The following RAB14 variants were observed in gnomAD, a reference collection of about 807,000 sequenced individuals.
RAB14 encodes RAB14, member RAS oncogene family, also known as ras-related protein Rab-14.
RAB14 carries 3 observed loss-of-function variants against 31.1 expected under a neutral mutation model. The ratio of observed to expected loss-of-function variants is 0.10; its 90% CI spans 0.04 to 0.25. The LOEUF is 0.25. Ranked by LOEUF, RAB14 falls within the 10% of genes least tolerant of loss-of-function variation. RAB14 has a pLI of 1.00. For missense variants in RAB14, 111 were observed against 260.1 expected, an observed-to-expected ratio of 0.43 and a Z score of 3.94; for synonymous variants, 85 against 84.9, an observed-to-expected ratio of 1.00 and a Z score of 0.00.
rs2053613485 is a variant in RAB14 at position 121,178,702 on chromosome 9, T to TA, written c.*2693dup. The TA allele has an allele frequency of 6.6e-6, 1 of 152,126 alleles. No homozygotes were observed. Among genetic ancestry groups the TA allele is most frequent in the African/African-American group, 2.4e-5 (1 of 41,330 alleles). The allele number at this position is 152,126 out of a possible 1,614,324, so 9.4% of individuals were successfully genotyped here. ...TAAACCACCAACCAAAAAAAAATAA[T>TA]AAGTTACTCCATCAAACACGTTATT... On this transcript the variant is annotated 3_prime_UTR_variant, in exon 8 of 8. Coordinates refer to ENST00000373840, the MANE Select transcript of RAB14 (RefSeq NM_016322.4).
At chr9:121,196,481 C>T (rs2053717639) in intron 1 of RAB14, among the ~76,000 whole-genome samples, 1 of 152,148 alleles carries the variant, frequency 6.6e-6, no homozygotes, top group East Asian at 1.9e-4. Flanking sequence ...ATCCTTACTA[C>T]TATCCTATAA....
At position 121,178,222 on chromosome 9, in the gene RAB14, CAATG is replaced by C. The variant is rs1308111774; in HGVS notation, c.*3170_*3173del. ...GGGATCAATGGAGTTACAATAAAGA[CAATG>C]AAAGTGACAATTTATTAATACACAG... On this transcript the variant is annotated 3_prime_UTR_variant, in exon 8 of 8. Coordinates refer to ENST00000373840, the MANE Select transcript of RAB14 (RefSeq NM_016322.4). The C allele has an allele frequency of 7.3e-5, 11 of 151,580 alleles. No homozygotes were observed. The highest frequency in any genetic ancestry group is 4.1e-4 in the South Asian group (2 of 4,824). 9.4% of individuals were successfully genotyped at this position (151,580 alleles called of 1,614,324 possible).
intron 4 of RAB14, among the ~76,000 whole-genome samples, chr9:121,190,294 A>T (rs2132025729): frequency 6.6e-6 from 1 of 152,230 alleles, no homozygotes; most frequent in South Asian, 2.1e-4. Context: ...ATTCAACTGA[A>T]GCTGCTTTTC....
intron 2 of RAB14, among the ~76,000 whole-genome samples, chr9:121,192,827 G>T (rs1369865367): frequency 6.6e-6 from 1 of 152,048 alleles, no homozygotes; most frequent in African/African-American, 2.4e-5. Flanking sequence ...GTTCTAATGT[G>T]AACAATTCAT....
At chr9:121,190,820 GCTTA>G (rs1436463447) in intron 3 of RAB14, 89 bp from the exon 4 acceptor site, 2 of 1,276,292 alleles carry the variant, frequency 1.6e-6, no homozygotes, top group East Asian at 2.4e-5. Flanking sequence ...TAAGCAAATG[GCTTA>G]CTAATACTTA....
Position 121,180,030 on chromosome 9 carries a change from AGT to A in RAB14, c.*1364_*1365del, listed in dbSNP as rs1312605344. The A allele has an allele frequency of 6.5e-6, 1 of 152,686 alleles. No individual in the cohort carries two copies. The highest frequency in any genetic ancestry group is 6.5e-5 in the Admixed American group (1 of 15,284). 9.5% of individuals were successfully genotyped at this position (152,686 alleles called of 1,614,324 possible). On this transcript the variant is annotated 3_prime_UTR_variant, in exon 8 of 8. Transcript: ENST00000373840. ...TTCTCTTGCTATACAGTATTAATTC[AGT>A]GGCCAAACCACCTGGTGCAAAGTAA...
chr9:121,199,388 T>C (rs1454114191), intron 1 of RAB14, among the ~76,000 whole-genome samples: 1 of 152,244 alleles, frequency 6.6e-6, no homozygotes, highest in Non-Finnish European at 1.5e-5. Context: ...ATACTTCTAT[T>C]TGTCAAACTG....
chr9:121,181,284 T>C lies in RAB14; in HGVS notation c.*112A>G. On this transcript the variant is annotated 3_prime_UTR_variant, in exon 8 of 8. Coordinates refer to ENST00000373840, the MANE Select transcript of RAB14 (RefSeq NM_016322.4). ...CTGTTTTTACAACAGAGTTTTTTCT[T>C]TTTTTTTAATTAAACCCAGTAAGAT... 1 of 1,166,400 alleles carries C rather than the reference T, an allele frequency of 8.6e-7. No homozygotes were observed. Among genetic ancestry groups the C allele is most frequent in the Non-Finnish European group, 1.2e-6 (1 of 863,368 alleles). 72.3% of individuals were successfully genotyped at this position (1,166,400 alleles called of 1,614,324 possible).
chr9:121,185,910 T>G (rs950437372), intron 5 of RAB14, among the ~76,000 whole-genome samples: 9 of 152,144 alleles, frequency 5.9e-5, no homozygotes. Flanking sequence ...TTGGGTTTAA[T>G]GCGATAATGG....
At chr9:121,182,999 AC>A in intron 6 of RAB14, 39 bp from the exon 7 acceptor site, 1 of 1,574,362 alleles carries the variant, frequency 6.4e-7, no homozygotes, top group Non-Finnish European at 8.7e-7. Flanking sequence ...GACACTTCAA[AC>A]TAACTCACAA....
chr9:121,182,923 CACTT>C lies in RAB14; in HGVS notation c.470+3_470+6del, dbSNP rs2053641123. On this transcript the variant is annotated splice_donor_5th_base_variant and intron_variant, in intron 7 of 7. Transcript: ENST00000373840. ...AATTGAAATATCTGTATTTTGGTCA[CACTT>C]ACGTTTTTGCACTCGCTTCGAGGAA... 6.2e-7 allele frequency: 1 copy of C among 1,606,558 alleles called. No homozygotes were observed. The highest frequency in any genetic ancestry group is 8.5e-7 in the Non-Finnish European group (1 of 1,174,862).
intron 1 of RAB14, among the ~76,000 whole-genome samples, chr9:121,194,576 T>TA (rs1331592914): frequency 1.3e-5 from 2 of 152,140 alleles, no homozygotes; most frequent in Non-Finnish European, 2.9e-5. Context: ...GCTTTCAGCT[T>TA]AAGACAAAAA....
At chr9:121,197,264 T>C (rs2053723017) in intron 1 of RAB14, among the ~76,000 whole-genome samples, 1 of 152,178 alleles carries the variant, frequency 6.6e-6, no homozygotes, top group Non-Finnish European at 1.5e-5. Context: ...ATTAATATGC[T>C]TAATATTGCT....
intron 1 of RAB14, 98 bp from the exon 2 acceptor site, chr9:121,193,517 A>C (rs777729403): frequency 5.3e-5 from 40 of 750,468 alleles, no homozygotes; most frequent in Non-Finnish European, 8.2e-5. Flanking sequence ...AGGACACTGA[A>C]TACAAACAAA....
At chr9:121,198,502 A>G (rs1003496032) in intron 1 of RAB14, among the ~76,000 whole-genome samples, 1 of 152,220 alleles carries the variant, frequency 6.6e-6, no homozygotes, top group Non-Finnish European at 1.5e-5. Flanking sequence ...ATTTTTACAT[A>G]GCTGATCCAA....
chr9:121,200,376 T>A (rs1357278852), intron 1 of RAB14, among the ~76,000 whole-genome samples: 1 of 152,244 alleles, frequency 6.6e-6, no homozygotes, highest in Admixed American at 6.5e-5. Context: ...AAGAATTTTT[T>A]AAAGGCAGTT....
Position 121,181,327 on chromosome 9 carries a change from G to A in RAB14, c.*69C>T, listed in dbSNP as rs758362544. 7.7e-5 allele frequency: 107 copies of A among 1,382,976 alleles called. No individual in the cohort carries two copies. Among genetic ancestry groups the A allele is most frequent in the Non-Finnish European group, 1.0e-4 (104 of 1,028,960 alleles). The allele number at this position is 1,382,976 out of a possible 1,614,324, so 85.7% of individuals were successfully genotyped here. ...AGTAAGATGTACAGAAGACAATGAG[G>A]CAGTAAAAAGTACTGCTTCCAACAG... is the stretch of plus-strand genomic sequence containing the variant. On this transcript the variant is annotated 3_prime_UTR_variant, in exon 8 of 8. Coordinates refer to ENST00000373840, the MANE Select transcript of RAB14 (RefSeq NM_016322.4).
chr9:121,185,913 G>A (rs750623627), intron 5 of RAB14, among the ~76,000 whole-genome samples: 2 of 152,094 alleles, frequency 1.3e-5, no homozygotes, highest in Admixed American at 6.6e-5. Flanking sequence ...GGTTTAATGC[G>A]ATAATGGAAA....
intron 4 of RAB14, 69 bp downstream of exon 4, chr9:121,190,485 T>C (rs1240094344): frequency 7.2e-7 from 1 of 1,382,448 alleles, no homozygotes; most frequent in Non-Finnish European, 9.7e-7. Flanking sequence ...AAAATGCCTA[T>C]CAATTTTTTT....
Sources: allele counts gnomAD v4.1 joint callset (sites outside exome capture counted in the v4.1 genomes callset), GRCh38; gene constraint gnomAD v4.1.1; transcripts MANE v1.5; gene names NCBI Gene and HGNC (gene_info 2026-07-23, HGNC 2026-07-21).